Variants in ATG9B observed in about 807,000 individuals in gnomAD.
The protein encoded by ATG9B is autophagy-related protein 9B.
In ATG9B, 92 loss-of-function variants were observed where a neutral mutation model predicts 92.9. The ratio of observed to expected loss-of-function variants is 0.99; its 90% CI spans 0.84 to 1.18. The LOEUF is 1.18. Ranked by LOEUF, ATG9B falls within the 50% of genes most tolerant of loss-of-function variation. The pLI, the probability that ATG9B is intolerant of heterozygous loss-of-function variation, is 0.00. For missense variants in ATG9B, 1,344 were observed against 1,235.0 expected (o/e 1.09, Z -1.32); for synonymous variants, 599 against 551.4 (o/e 1.09, Z -1.21).
chr7:151,012,964 T>C (rs1329014177), downstream of ATG9B: 2 of 509,130 alleles, frequency 3.9e-6, no homozygotes, highest in Non-Finnish European at 6.9e-6. Context: ...GCAAAGGGCA[T>C]GGAATTCTGA....
intron 4 of ATG9B, among the ~76,000 whole-genome samples, chr7:151,022,677 T>A (rs1795794520): frequency 6.6e-6 from 1 of 151,678 alleles, no homozygotes; most frequent in Admixed American, 6.6e-5. Context: ...GGTGAAACCC[T>A]GTCTCTACTA....
downstream of ATG9B, chr7:151,012,326 C>A: frequency 6.5e-7 from 1 of 1,542,802 alleles, no homozygotes; most frequent in Non-Finnish European, 8.8e-7. Context: ...GCAAAGGGGA[C>A]CTGATGGAGT....
intron 5 of ATG9B, 47 bp downstream of exon 5, chr7:151,021,141 C>A: frequency 1.2e-6 from 2 of 1,604,924 alleles, no homozygotes; most frequent in South Asian, 1.1e-5. Flanking sequence ...TCTCCTCTGC[C>A]CACCCTCTCA....
rs1795851408 is a variant in ATG9B at position 151,023,953 on chromosome 7, A to G, written c.471T>C (p.Cys157=). ...GTGAGTCTTGGGACCCCTCAGGGTCACAGTCCTCCAGCCGCTCATAATCCT... is the reference window on the plus strand; with the variant it reads ...GTGAGTCTTGGGACCCCTCAGGGTCGCAGTCCTCCAGCCGCTCATAATCCT... ...PEQDYERLED[C]DPEGSQDSPI... The change falls in exon 1 of 14, where the codon TGT becomes TGC. Residue 157 remains cysteine (C), a synonymous_variant. Coordinates refer to ENST00000639579, the MANE Select transcript of ATG9B (RefSeq NM_001317056.2). The G allele has an allele frequency of 6.3e-7, 1 of 1,589,094 alleles. No homozygotes were observed. Among genetic ancestry groups the G allele is most frequent in the African/African-American group, 1.3e-5 (1 of 74,366 alleles).
chr7:151,023,572 C>T, intron 2 of ATG9B, 63 bp from the exon 3 acceptor site: 3 of 1,610,978 alleles, frequency 1.9e-6, no homozygotes, highest in Non-Finnish European at 2.5e-6. Flanking sequence ...CACCTCCCCT[C>T]AGCCCCAACA....
Position 151,018,309 on chromosome 7 carries a change from C to G in ATG9B, c.1857G>C (p.Leu619=). The change falls in exon 7 of 14, where the codon CTG becomes CTC. Residue 619 remains leucine, a synonymous_variant. Transcript: ENST00000639579. This position sits in a 1 kb window ranked among gnomAD's most constrained non-coding sequence, Gnocchi z 4.7. ...RDRAYRQMAQ[L]LQYRAVSLLE... ...CCACCCTCACCGCTCGGTACTGCAGCAGCTGCGCCATCTGCCGGTAGGCGC... is the reference window on the plus strand; with the variant it reads ...CCACCCTCACCGCTCGGTACTGCAGGAGCTGCGCCATCTGCCGGTAGGCGC... 6.4e-7 allele frequency: 1 copy of G among 1,573,770 alleles called. No homozygotes were observed. The highest frequency in any genetic ancestry group is 8.6e-7 in the Non-Finnish European group (1 of 1,166,352).
At position 151,018,595 on chromosome 7, in the gene ATG9B, C is replaced by A; in HGVS notation, c.1718+25G>T. On this transcript the variant is annotated intron_variant, in intron 6 of 13. Coordinates refer to ENST00000639579, the MANE Select transcript of ATG9B (RefSeq NM_001317056.2). The surrounding 1 kb of genome is among the most constrained non-coding windows in gnomAD (Gnocchi z 4.7). The stretch of plus-strand genomic sequence containing the variant: ...AGATCAGAGAAACCAACACACACCA[C>A]CACCCCGGGCATCTGCCGTCGCACC... 6.3e-7 allele frequency: 1 copy of A among 1,588,358 alleles called. No individual in the cohort carries two copies.
At position 151,017,138 on chromosome 7, in the gene ATG9B, C is replaced by A. The variant is rs1383191611; in HGVS notation, c.2187G>T (p.Gly729=). 5 of 1,612,758 alleles carry A rather than the reference C, an allele frequency of 3.1e-6. No homozygotes were observed. The highest frequency in any genetic ancestry group is 1.1e-5 in the South Asian group (1 of 90,984). The part of the protein sequence containing the change: ...RPPGHSSKFL[G]HLWGRVQQDA... Reference sequence around the variant, plus strand: ...CTTGTTGTACTCGGCCCCAGAGGTGCCCAAGAAACTTAGAGCTGTGCCCTG... The same window carrying A: ...CTTGTTGTACTCGGCCCCAGAGGTGACCAAGAAACTTAGAGCTGTGCCCTG... The change falls in exon 9 of 14, where the codon GGG becomes GGT. Residue 729 remains glycine (G), a synonymous_variant. Coordinates refer to ENST00000639579, the MANE Select transcript of ATG9B (RefSeq NM_001317056.2).
At chr7:151,021,652 CT>C (rs36096005) in intron 4 of ATG9B, among the ~76,000 whole-genome samples, 549 of 141,986 alleles carry the variant, frequency 3.9e-3, no homozygotes, top group African/African-American at 4.7e-3. Flanking sequence ...CTTGTACACT[CT>C]TTTTTTTTTT....
chr7:151,023,716 T>C lies in ATG9B; in HGVS notation c.565A>G (p.Ile189Val), dbSNP rs771422582. The change falls in exon 2 of 14, where the codon ATC (isoleucine) becomes GTC (valine). Residue 189 changes from isoleucine (I) to valine (V), a missense_variant. Ile to Val is a conservative substitution (Grantham distance 29). Coordinates refer to ENST00000639579, the MANE Select transcript of ATG9B (RefSeq NM_001317056.2). ...GTGAAGAAACTGTCCAGGTTCTGGA[T>C]GTGATGCCAGGAGCCTGGGCACAGA... ...PEGLRGSWHH[I>V]QNLDSFFTKI... The C allele has an allele frequency of 3.1e-6, 5 of 1,614,022 alleles. No individual in the cohort carries two copies. Among genetic ancestry groups the C allele is most frequent in the African/African-American group, 2.7e-5 (2 of 75,020 alleles).
chr7:151,019,087 C>T lies in ATG9B; in HGVS notation c.1251G>A (p.Glu417=). 1 of 1,535,930 alleles carries T rather than the reference C, an allele frequency of 6.5e-7. No individual in the cohort carries two copies. The highest frequency in any genetic ancestry group is 8.7e-7 in the Non-Finnish European group (1 of 1,146,450). The part of the protein sequence containing the change: ...GPFSLFRGGW[E]LPHAYKRSDQ... ...CGCTGCGCTTGTAGGCGTGCGGCAG[C>T]TCCCAGCCCCCGCGGAAGAGCGAGA... Residue 417 remains glutamate (E), a synonymous_variant, in exon 6 of 14, where the codon GAG becomes GAA. Coordinates refer to ENST00000639579, the MANE Select transcript of ATG9B (RefSeq NM_001317056.2).
At chr7:151,012,678 G>A, downstream of ATG9B, 1 of 558,724 alleles carries the variant, frequency 1.8e-6, no homozygotes, top group Non-Finnish European at 3.2e-6. Context: ...CTGGTACATA[G>A]TAGGTGTTGA....
At position 151,017,288 on chromosome 7, in the gene ATG9B, G is replaced by C. The variant is rs2117156946; in HGVS notation, c.2053-16C>G. 1.3e-6 allele frequency: 2 copies of C among 1,566,282 alleles called. No homozygotes were observed. Among genetic ancestry groups the C allele is most frequent in the Non-Finnish European group, 1.7e-6 (2 of 1,152,636 alleles). ...CCGAGAGCCACTGTGAGCAAGGACAGTCTTTCAGGTGCTAAGAACACTGAG... is the reference window on the plus strand; with the variant it reads ...CCGAGAGCCACTGTGAGCAAGGACACTCTTTCAGGTGCTAAGAACACTGAG... On this transcript the variant is annotated splice_polypyrimidine_tract_variant and intron_variant, in intron 8 of 13. Coordinates refer to ENST00000639579, the MANE Select transcript of ATG9B (RefSeq NM_001317056.2).
downstream of ATG9B, chr7:151,013,165 T>G (rs533384367): frequency 1.1e-4 from 175 of 1,534,592 alleles, no homozygotes; most frequent in Middle Eastern, 1.2e-3. Flanking sequence ...GACGGTGGCC[T>G]GTGGGGAGGC....
Position 151,018,163 on chromosome 7 carries a change from C to T in ATG9B, c.1873-113G>A. 6.8e-7 allele frequency: 1 copy of T among 1,467,220 alleles called. No homozygotes were observed. The highest frequency in any genetic ancestry group is 9.0e-7 in the Non-Finnish European group (1 of 1,109,946). The allele number at this position is 1,467,220 out of a possible 1,614,324, so 90.9% of individuals were successfully genotyped here. A position where few individuals can be genotyped will look rare whatever the true frequency, so the allele number is the denominator to read the frequency against. On this transcript the variant is annotated intron_variant, in intron 7 of 13. Coordinates refer to ENST00000639579, the MANE Select transcript of ATG9B (RefSeq NM_001317056.2). The surrounding 1 kb of genome is among the most constrained non-coding windows in gnomAD (Gnocchi z 4.7). ...AGGGCAAGAAGCCTCCCCACCCAGT[C>T]ACTCCCTAGACTCCTGGTATAGTCC...
In ATG9B at chr7:151,015,733, T is replaced by C; in HGVS notation, c.*15-20A>G. The C allele has an allele frequency of 2.7e-6, 3 of 1,128,478 alleles. No individual in the cohort carries two copies. The highest frequency in any genetic ancestry group is 4.3e-5 in the South Asian group (2 of 46,770). The allele number at this position is 1,128,478 out of a possible 1,614,324, so 69.9% of individuals were successfully genotyped here. A position where few individuals can be genotyped will look rare whatever the true frequency, so the allele number is the denominator to read the frequency against. ...GGGTACCTGTGGGAGGAGACGGCTC[T>C]TGGCAAGCAGTCCAGGGGTCTAGAT... On this transcript the variant is annotated intron_variant, in intron 13 of 13. Coordinates refer to ENST00000639579, the MANE Select transcript of ATG9B (RefSeq NM_001317056.2).
chr7:151,020,008 A>T (rs1795688455), intron 5 of ATG9B: 1 of 152,016 alleles, frequency 6.6e-6, no homozygotes, highest in Non-Finnish European at 1.5e-5. Context: ...AAAACAAACA[A>T]AAAAACAAAA....
At position 151,023,877 on chromosome 7, in the gene ATG9B, G is replaced by A. The variant is rs1243674849; in HGVS notation, c.547C>T (p.Arg183Ter). ...QPLLHVPEGL[R>*]GSWHHIQNLD... ...CCACCCACACCCACACACATACCTC[G>A]GAGCCCTTCAGGGACATGAAGCAGG... Residue 183 changes from arginine (R) to a stop codon, truncating the protein, a stop_gained, in exon 1 of 14, where the codon CGA becomes TGA. Transcript: ENST00000639579. LOFTEE classifies it high-confidence loss of function. 7 of 1,610,668 alleles carry A rather than the reference G, an allele frequency of 4.3e-6. No individual in the cohort carries two copies. Among genetic ancestry groups the A allele is most frequent in the South Asian group, 1.1e-5 (1 of 90,526 alleles).
chr7:151,012,332 G>A (rs889502919), downstream of ATG9B: 1 of 1,544,838 alleles, frequency 6.5e-7, no homozygotes, highest in African/African-American at 1.4e-5. Context: ...GGGACCTGAT[G>A]GAGTGTCTCT....
Sources: gnomAD v4.1 joint callset for allele counts (sites outside exome capture counted in the v4.1 genomes callset) on GRCh38, gnomAD v4.1.1 for gene constraint, Gnocchi (gnomAD v3.1) non-coding constraint, MANE v1.5 for transcripts, NCBI Gene and HGNC (gene_info 2026-07-23, HGNC 2026-07-21) for gene names.